The following GDPD1 variants were observed in gnomAD, a reference collection of about 807,000 sequenced individuals.
GDPD1 encodes the protein lysophospholipase D GDPD1.
A neutral mutation model predicts 45.1 loss-of-function variants in GDPD1; 28 were observed. The observed-to-expected ratio is 0.62, with a 90% CI of 0.46 to 0.85. The LOEUF (loss-of-function observed/expected upper bound fraction) is 0.85, where lower values mean the gene tolerates loss of function less well. Among genes scored for constraint, GDPD1 ranks in the 40% least tolerant of loss-of-function variants. The probability of loss-of-function intolerance (pLI) is 0.00; values close to 1 mark genes in which losing one functional copy is unlikely to be tolerated. For missense variants in GDPD1, 256 were observed against 364.8 expected (o/e 0.70, Z 2.43); for synonymous variants, 139 against 131.4 (o/e 1.06, Z -0.40).
intron 7 of GDPD1, among the ~76,000 whole-genome samples, chr17:59,269,633 G>A (rs1246248460): frequency 2.0e-5 from 3 of 151,982 alleles, no homozygotes; most frequent in Admixed American, 2.0e-4. Flanking sequence ...TACCAGCCTG[G>A]CCAACATGGT....
At chr17:59,253,849 A>G (rs746545247) in intron 4 of GDPD1, among the ~76,000 whole-genome samples, 14 of 152,066 alleles carry the variant, frequency 9.2e-5, no homozygotes, top group Non-Finnish European at 1.9e-4. Context: ...CCGAGGGTGA[A>G]TGGACAGTGG....
In GDPD1 at chr17:59,258,955, C is replaced by CTAT. The variant is rs569811908; in HGVS notation, c.576+1130_576+1132dup. Among the ~76,000 whole-genome samples, 31 of 151,220 alleles carry CTAT rather than the reference C, an allele frequency of 2.0e-4. 1 individual carries two copies. Among genetic ancestry groups the CTAT allele is most frequent in the Admixed American group, 1.5e-3 (23 of 15,178 alleles). On this transcript the variant is annotated intron_variant, in intron 6 of 9. Transcript: ENST00000284116. ...TGGACAACATAGTGAGACCCCCTTT[C>CTAT]TATTATTATTATTATTAATTATTTT...
intron 1 of GDPD1, among the ~76,000 whole-genome samples, chr17:59,231,600 A>G (rs1049941440): frequency 1.3e-5 from 2 of 151,964 alleles, no homozygotes; most frequent in South Asian, 4.1e-4. Context: ...TCCTGGTATT[A>G]CAGGCGTGAG....
chr17:59,236,757 A>C (rs886185950), intron 2 of GDPD1, among the ~76,000 whole-genome samples: 5 of 152,202 alleles, frequency 3.3e-5, no homozygotes, highest in African/African-American at 1.2e-4. Context: ...TGATCTGCTC[A>C]CTTTGGCCTC....
chr17:59,246,874 T>C (rs1403567896), intron 3 of GDPD1, among the ~76,000 whole-genome samples: 1 of 151,586 alleles, frequency 6.6e-6, no homozygotes, highest in African/African-American at 2.4e-5. Flanking sequence ...TTCAAGCTAG[T>C]CTCCTGCTTC....
In GDPD1 at chr17:59,220,599, C is replaced by G; in HGVS notation, c.-11C>G. The G allele has an allele frequency of 1.2e-6, 2 of 1,612,214 alleles. No individual in the cohort carries two copies. The highest frequency in any genetic ancestry group is 1.7e-6 in the Non-Finnish European group (2 of 1,178,968). On this transcript the variant is annotated 5_prime_UTR_variant, in exon 1 of 10. Transcript: ENST00000284116. ...GCCCGGAGGTGGGAGACTTCCCACA[C>G]GGTGACTGAGATGTCGTCCACTGCG...
Position 59,268,969 on chromosome 17 carries a change from G to A in GDPD1, c.710+1795G>A, listed in dbSNP as rs150976367. On this transcript the variant is annotated intron_variant, in intron 7 of 9. Transcript: ENST00000284116. ...CGCGCCACTGCACTCCAGCCTGAGC[G>A]ACAGAGCGAGACTCCTTCTCAAAAA... Among the ~76,000 whole-genome samples, 680 of 152,122 alleles carry A rather than the reference G, an allele frequency of 4.5e-3. 9 individuals are homozygous for A. Among genetic ancestry groups the A allele is most frequent in the African/African-American group, 0.015 (637 of 41,494 alleles).
In GDPD1 at chr17:59,234,544, TA is replaced by T; in HGVS notation, c.185+16del. On this transcript the variant is annotated intron_variant, in intron 2 of 9. Transcript: ENST00000284116. ...TGGCAGCCTTTCAGCAGTAAGTATG[TA>T]AAAAAGGTAAAAGGTACTCTTTTCT... The T allele has an allele frequency of 6.3e-6, 10 of 1,579,832 alleles. No homozygotes were observed. Among genetic ancestry groups the T allele is most frequent in the African/African-American group, 1.3e-5 (1 of 74,230 alleles).
At chr17:59,249,700 T>TA (rs1446475854) in intron 4 of GDPD1, among the ~76,000 whole-genome samples, 1 of 152,218 alleles carries the variant, frequency 6.6e-6, no homozygotes, top group Non-Finnish European at 1.5e-5. Context: ...GCTGAACATA[T>TA]ATAGGCTCCC....
chr17:59,256,984 A>C (rs1283626107), intron 4 of GDPD1, 138 bp from the exon 5 acceptor site: 3 of 451,364 alleles, frequency 6.6e-6, no homozygotes, highest in Non-Finnish European at 1.2e-5. Flanking sequence ...AAGTTGTTGG[A>C]TTTACATGAT....
chr17:59,271,921 C>T (rs1046013314), intron 8 of GDPD1, among the ~76,000 whole-genome samples: 7 of 152,090 alleles, frequency 4.6e-5, no homozygotes, highest in Non-Finnish European at 1.0e-4. Context: ...AGGTGTGAGC[C>T]ACCGCGCCCA....
chr17:59,260,804 T>C (rs562529151), intron 6 of GDPD1: 1 of 152,308 alleles, frequency 6.6e-6, no homozygotes, highest in South Asian at 2.1e-4. Flanking sequence ...GTTACAGATT[T>C]CTTTATTTCT....
chr17:59,251,186 C>T (rs1413173065), intron 4 of GDPD1, among the ~76,000 whole-genome samples: 1 of 152,154 alleles, frequency 6.6e-6, no homozygotes, highest in East Asian at 1.9e-4. Flanking sequence ...TACCATACTC[C>T]CTCTCCATTG....
At chr17:59,256,595 T>A (rs1027326546) in intron 4 of GDPD1, among the ~76,000 whole-genome samples, 1 of 152,168 alleles carries the variant, frequency 6.6e-6, no homozygotes, top group African/African-American at 2.4e-5. Context: ...TTAAAATAAA[T>A]TATTGTATAG....
Position 59,270,976 on chromosome 17 carries a change from C to G in GDPD1, c.751C>G (p.Leu251Val). 1 of 1,601,936 alleles carries G rather than the reference C, an allele frequency of 6.2e-7. No homozygotes were observed. The highest frequency in any genetic ancestry group is 8.5e-7 in the Non-Finnish European group (1 of 1,171,776). ...PHTMSRSQKF[L>V]IWLSDLLLMR... is the part of the protein sequence containing the mutation. ...CACCATGTCCAGAAGTCAAAAGTTTCTCATCTGGCTTTCTGATCTGTAAGA... is the reference window on the plus strand; with the variant it reads ...CACCATGTCCAGAAGTCAAAAGTTTGTCATCTGGCTTTCTGATCTGTAAGA... The change falls in exon 8 of 10, where the codon CTC (leucine) becomes GTC (valine). Residue 251 changes from leucine to valine, a missense_variant. Transcript: ENST00000284116.
At chr17:59,264,827 A>T (rs938313198) in intron 6 of GDPD1, among the ~76,000 whole-genome samples, 2 of 152,046 alleles carry the variant, frequency 1.3e-5, no homozygotes, top group Non-Finnish European at 2.9e-5. Context: ...ATAATTTAGA[A>T]CTATTTATTT....
intron 4 of GDPD1, among the ~76,000 whole-genome samples, chr17:59,253,639 C>G (rs1037098868): frequency 1.3e-5 from 2 of 152,108 alleles, no homozygotes; most frequent in African/African-American, 4.8e-5. Flanking sequence ...ATCTGTTTGA[C>G]CTTTTTGTAA....
At chr17:59,246,709 CAAAAAAA>C (rs749077536) in intron 3 of GDPD1, among the ~76,000 whole-genome samples, 24 of 27,560 alleles carry the variant, frequency 8.7e-4, no homozygotes, top group Non-Finnish European at 1.3e-3. Flanking sequence ...GACTCCATCT[CAAAAAAA>C]AAAAAAAAAA....
chr17:59,247,179 C>T (rs2047218993), intron 3 of GDPD1, among the ~76,000 whole-genome samples: 1 of 152,194 alleles, frequency 6.6e-6, no homozygotes, highest in Non-Finnish European at 1.5e-5. Flanking sequence ...ACCGCACAGA[C>T]ACAGAGTCCC....
Sources: gnomAD v4.1 joint callset for allele counts (sites outside exome capture counted in the v4.1 genomes callset) on GRCh38, gnomAD v4.1.1 for gene constraint, MANE v1.5 for transcripts, NCBI Gene and HGNC (gene_info 2026-07-23, HGNC 2026-07-21) for gene names.